Variants in CASZ1 observed in about 807,000 individuals in gnomAD.
CASZ1 encodes the protein castor zinc finger 1.
Under a neutral mutation model 135.2 loss-of-function variants are expected in CASZ1, and 28 were observed. The ratio of observed to expected loss-of-function variants is 0.21; its 90% confidence interval spans 0.15 to 0.28. The LOEUF is 0.28. Ranked by LOEUF, CASZ1 falls within the 10% of genes least tolerant of loss-of-function variation. CASZ1 has a pLI of 1.00. For synonymous variants in CASZ1, 1,068 were observed against 1,073.4 expected (o/e 0.99, Z 0.10); for missense variants, 2,161 against 2,453.3 (o/e 0.88, Z 2.52).
chr1:10,646,411 A>T lies in CASZ1; in HGVS notation c.3498-85T>A. The T allele has an allele frequency of 2.3e-6, 3 of 1,324,500 alleles. No individual in the cohort carries two copies. The allele number at this position is 1,324,500 out of a possible 1,614,324, so 82.0% of individuals were successfully genotyped here. A position where few individuals can be genotyped will look rare whatever the true frequency, so the allele number is the denominator to read the frequency against. On this transcript the variant is annotated intron_variant, in intron 16 of 20. Coordinates refer to ENST00000377022, the MANE Select transcript of CASZ1 (RefSeq NM_001079843.3). The surrounding 1 kb of genome is among the most constrained non-coding windows in gnomAD (Gnocchi z 6.4). ...CCTGACTTCACTTGTGTTGGAGTTC[A>T]CTCCCCCACGACCAGCGGTACCACC...
intron 2 of CASZ1, among the ~76,000 whole-genome samples, chr1:10,710,837 C>G (rs1014928088): frequency 6.6e-6 from 1 of 152,250 alleles, no homozygotes; most frequent in African/African-American, 2.4e-5. Flanking sequence ...GAAGAGAAAA[C>G]AAGAAGCTTA....
Position 10,724,446 on chromosome 1 carries a change from G to A in CASZ1, c.-76-18902C>T, listed in dbSNP as rs975963759. Among the ~76,000 whole-genome samples the A allele has an allele frequency of 6.6e-6, 1 of 152,208 alleles. No homozygotes were observed. The highest frequency in any genetic ancestry group is 2.4e-5 in the African/African-American group (1 of 41,456). ...TAAGGTAACCTGAGCTATTAAACCCGGGGGCCAGGTGGTACCTACCAGCTG... is the reference window on the plus strand; with the variant it reads ...TAAGGTAACCTGAGCTATTAAACCCAGGGGCCAGGTGGTACCTACCAGCTG... On this transcript the variant is annotated intron_variant, in intron 2 of 20. Transcript: ENST00000377022. The surrounding 1 kb of genome is among the most constrained non-coding windows in gnomAD (Gnocchi z 4.1).
intron 4 of CASZ1, among the ~76,000 whole-genome samples, chr1:10,675,025 A>G (rs997276602): frequency 6.7e-6 from 1 of 149,984 alleles, no homozygotes; most frequent in African/African-American, 2.5e-5. Context: ...ACCCCCCGCA[A>G]CCAACTGTCA....
chr1:10,780,893 A>C (rs1640751628), intron 1 of CASZ1, among the ~76,000 whole-genome samples: 1 of 152,166 alleles, frequency 6.6e-6, no homozygotes, highest in South Asian at 2.1e-4. Context: ...CAATCCCACA[A>C]AGAGTCACAG....
intron 2 of CASZ1, among the ~76,000 whole-genome samples, chr1:10,745,507 G>T (rs1640023462): frequency 6.6e-6 from 1 of 152,210 alleles, no homozygotes; most frequent in South Asian, 2.1e-4. Context: ...CTTCCTGGGT[G>T]TGCAACCCAT....
intron 2 of CASZ1, among the ~76,000 whole-genome samples, chr1:10,736,393 AC>A (rs1639798783): frequency 6.6e-6 from 1 of 152,122 alleles, no homozygotes; most frequent in Non-Finnish European, 1.5e-5. Context: ...GGCACTGAGA[AC>A]CCCGAACCCG....
rs184978045 is a variant in CASZ1, at chr1:10,707,272, A to T, written c.-76-1728T>A. On this transcript the variant is annotated intron_variant, in intron 2 of 20. Coordinates refer to ENST00000377022, the MANE Select transcript of CASZ1 (RefSeq NM_001079843.3). This position sits in a 1 kb window ranked among gnomAD's most constrained non-coding sequence, Gnocchi z 5.0. ...CTGGCAACTGTGCATTTATTAATTC[A>T]TGAGGCACTAATTAGTTCTTTGTTT... Among the ~76,000 whole-genome samples the T allele has an allele frequency of 1.3e-5, 2 of 152,076 alleles. No homozygotes were observed. Among genetic ancestry groups the T allele is most frequent in the African/African-American group, 4.8e-5 (2 of 41,440 alleles).
intron 2 of CASZ1, among the ~76,000 whole-genome samples, chr1:10,730,162 G>GT (rs2100506187): frequency 6.6e-6 from 1 of 152,054 alleles, no homozygotes; most frequent in African/African-American, 2.4e-5. Flanking sequence ...CCAGGCTGGA[G>GT]TGCAGTGGTG....
Position 10,767,786 on chromosome 1 carries a change from C to T in CASZ1, c.-233-6929G>A, listed in dbSNP as rs1472504368. The stretch of plus-strand genomic sequence containing the variant: ...GCCACATCAGCAGGTCCGGTTGCAG[C>T]TCCCTGTCTGTCTTGCCCACTGCCC... On this transcript the variant is annotated intron_variant, in intron 1 of 20. Coordinates refer to ENST00000377022, the MANE Select transcript of CASZ1 (RefSeq NM_001079843.3). The surrounding 1 kb of genome is among the most constrained non-coding windows in gnomAD (Gnocchi z 4.2). Among the ~76,000 whole-genome samples, 2 of 152,226 alleles carry T rather than the reference C, an allele frequency of 1.3e-5. No individual in the cohort carries two copies. The highest frequency in any genetic ancestry group is 6.5e-5 in the Admixed American group (1 of 15,284).
intron 2 of CASZ1, among the ~76,000 whole-genome samples, chr1:10,729,057 T>C (rs1425135460): frequency 1.4e-5 from 2 of 138,616 alleles, no homozygotes; most frequent in East Asian, 2.5e-4. Flanking sequence ...CAGGCTGCCA[T>C]GCTGGGGGAG....
At chr1:10,641,013 G>C (rs1414436210) in intron 20 of CASZ1, among the ~76,000 whole-genome samples, 2 of 152,232 alleles carry the variant, frequency 1.3e-5, no homozygotes, top group East Asian at 1.9e-4. Context: ...AGCCCCACCA[G>C]AGCGTGGGTA....
rs529303578 is a variant in CASZ1 at position 10,712,775 on chromosome 1, A to G, written c.-76-7231T>C. Among the ~76,000 whole-genome samples the G allele has an allele frequency of 1.3e-4, 20 of 152,328 alleles. No homozygotes were observed. The East Asian group carries it at 3.9e-3, about 29-fold the overall frequency. On this transcript the variant is annotated intron_variant, in intron 2 of 20. Transcript: ENST00000377022. ...CCCCGCGGGCTGCCGTTCCCGGCAC[A>G]CACACAGCGCTTCTCCTGTGCGGAT...
rs1006850568 is a variant in CASZ1, at chr1:10,647,080, A to T, written c.3497+721T>A. On this transcript the variant is annotated intron_variant, in intron 16 of 20. Coordinates refer to ENST00000377022, the MANE Select transcript of CASZ1 (RefSeq NM_001079843.3). The surrounding 1 kb of genome is among the most constrained non-coding windows in gnomAD (Gnocchi z 4.9). ...ACTCTGACCAGGCCAGGGAAACCTG[A>T]GCTGCTACTCTGGGGAGGAGGAGGG... 4.4e-6 allele frequency: 1 copy of T among 226,224 alleles called. No individual in the cohort carries two copies. The highest frequency in any genetic ancestry group is 6.6e-6 in the Non-Finnish European group (1 of 151,070). The allele number at this position is 226,224 out of a possible 1,614,324, so 14.0% of individuals were successfully genotyped here. A position where few individuals can be genotyped will look rare whatever the true frequency, so the allele number is the denominator to read the frequency against.
intron 5 of CASZ1, among the ~76,000 whole-genome samples, chr1:10,661,726 C>T (rs1643034254): frequency 6.6e-6 from 1 of 151,308 alleles, no homozygotes. Context: ...CATGCACACA[C>T]ACACAAAACA....
In CASZ1 at chr1:10,659,798, T is replaced by TCTGGCC. The variant is rs750438758; in HGVS notation, c.1238_1243dup (p.Gly413_Pro414dup). On this transcript the variant is annotated inframe_insertion, in exon 6 of 21. Transcript: ENST00000377022. ...GTTGAAGGACAGGGAGGCAGGAGGC[T>TCTGGCC]CTGGCCCTGGCCCGGGGGCGCTGGG... The TCTGGCC allele has an allele frequency of 6.2e-6, 10 of 1,613,676 alleles. No individual in the cohort carries two copies. In the African/African-American group the frequency reaches 1.2e-4, roughly 19 times the overall value.
chr1:10,734,948 A>G (rs1639769175), intron 2 of CASZ1, among the ~76,000 whole-genome samples: 2 of 152,154 alleles, frequency 1.3e-5, no homozygotes, highest in African/African-American at 2.4e-5. Context: ...GGGGGCCACA[A>G]GGGCCCACCC....
At position 10,639,718 on chromosome 1, in the gene CASZ1, G is replaced by A. The variant is rs775575158; in HGVS notation, c.4504C>T (p.His1502Tyr). The change falls in exon 21 of 21, where the codon CAC becomes TAC. Residue 1502 changes from histidine to tyrosine, a missense_variant. By Grantham distance (83) the His-to-Tyr change is moderately conservative. Coordinates refer to ENST00000377022, the MANE Select transcript of CASZ1 (RefSeq NM_001079843.3). This position sits in a 1 kb window ranked among gnomAD's most constrained non-coding sequence, Gnocchi z 4.0. ...FKRFKASLSCHFADCPFSGTS... is the reference protein window; with the variant it reads ...FKRFKASLSCYFADCPFSGTS... ...CCCGAGAAGGGGCAGTCGGCGAAGTGGCAGCTGAGTGAGGCCTTGAAGCGC... is the reference window on the plus strand; with the variant it reads ...CCCGAGAAGGGGCAGTCGGCGAAGTAGCAGCTGAGTGAGGCCTTGAAGCGC... 1.9e-6 allele frequency: 3 copies of A among 1,593,446 alleles called. No individual in the cohort carries two copies. The highest frequency in any genetic ancestry group is 1.1e-5 in the South Asian group (1 of 88,558).
intron 4 of CASZ1, among the ~76,000 whole-genome samples, chr1:10,680,891 ATC>A (rs751805575): frequency 4.6e-5 from 7 of 151,978 alleles, no homozygotes; most frequent in Non-Finnish European, 7.4e-5. Flanking sequence ...CCTCACCCCC[ATC>A]TTTCTTTCTT....
chr1:10,687,896 G>A (rs1203994057), intron 4 of CASZ1, among the ~76,000 whole-genome samples: 1 of 152,168 alleles, frequency 6.6e-6, no homozygotes, highest in Non-Finnish European at 1.5e-5. Context: ...GCTCCTTCCT[G>A]TAAACCAGGC....
Sources: allele counts gnomAD v4.1 joint callset (sites outside exome capture counted in the v4.1 genomes callset), GRCh38; gene constraint gnomAD v4.1.1; non-coding constraint Gnocchi (gnomAD v3.1); transcripts MANE v1.5; gene names NCBI Gene and HGNC (gene_info 2026-07-23, HGNC 2026-07-21).